C21orf91: variants seen among roughly 807,000 people sequenced by gnomAD.
C21orf91 encodes chromosome 21 open reading frame 91, also known as protein EURL homolog.
A neutral mutation model predicts 32.9 loss-of-function variants in C21orf91; 26 were observed. The ratio of observed to expected loss-of-function variants is 0.79; its 90% CI spans 0.58 to 1.10. The LOEUF (loss-of-function observed/expected upper bound fraction) is 1.10. Among genes scored for constraint, C21orf91 ranks in the 50% least tolerant of loss-of-function variants. The probability of loss-of-function intolerance (pLI) is 0.00; values close to 1 mark genes in which losing one functional copy is unlikely to be tolerated. For missense variants in C21orf91, 310 were observed against 341.3 expected (o/e 0.91, Z 0.72); for synonymous variants, 126 against 120.4 (o/e 1.05, Z -0.31).
chr21:17,809,341 A>AAC (rs1491269986), intron 2 of C21orf91, among the ~76,000 whole-genome samples: 1 of 152,258 alleles, frequency 6.6e-6, no homozygotes, highest in Non-Finnish European at 1.5e-5. Flanking sequence ...TAAAATACTT[A>AAC]AAGATACTGA....
rs535410050 is a variant in C21orf91 at position 17,791,094 on chromosome 21, T to C, written c.*2321A>G. ...TGTTAGAACTCAACTCTGTACCTGA[T>C]ACTTATATTTGCATACACAGTAATT... On this transcript the variant is annotated 3_prime_UTR_variant, in exon 5 of 5. Coordinates refer to ENST00000284881, the MANE Select transcript of C21orf91 (RefSeq NM_001100420.2). The C allele has an allele frequency of 1.6e-4, 25 of 152,278 alleles. No homozygotes were observed. Among genetic ancestry groups the C allele is most frequent in the African/African-American group, 6.0e-4 (25 of 41,590 alleles). The allele number at this position is 152,278 out of a possible 1,614,324, so 9.4% of individuals were successfully genotyped here.
In C21orf91 at chr21:17,797,269, T is replaced by G. The variant is rs907006876; in HGVS notation, c.128-151A>C. The G allele has an allele frequency of 5.8e-6, 3 of 519,770 alleles. No individual in the cohort carries two copies. The African/African-American group carries it at 5.8e-5, about 10-fold the overall frequency. 32.2% of individuals were successfully genotyped at this position (519,770 alleles called of 1,614,324 possible). On this transcript the variant is annotated intron_variant, in intron 2 of 4. Transcript: ENST00000284881. ...AGAATATTAGTATTAATATACAATG[T>G]GGCCTAATAATTTCTGCTTCAATAT...
intron 3 of C21orf91, 36 bp downstream of exon 3, chr21:17,796,546 C>T (rs745785658): frequency 5.2e-6 from 8 of 1,546,870 alleles, no homozygotes; most frequent in Middle Eastern, 1.7e-4. Context: ...AAATCCCAAA[C>T]CACCCAACTT....
At position 17,790,292 on chromosome 21, in the gene C21orf91, G is replaced by C. The variant is rs2146239649; in HGVS notation, c.*3123C>G. ...ACTGGGAAACATTAAAACACAAATA[G>C]ATCTAAAAGCTTACTTTAAAAAAAC... On this transcript the variant is annotated 3_prime_UTR_variant, in exon 5 of 5. Transcript: ENST00000284881. The C allele has an allele frequency of 6.6e-6, 1 of 151,866 alleles. No individual in the cohort carries two copies. The highest frequency in any genetic ancestry group is 6.6e-5 in the Admixed American group (1 of 15,254). 9.4% of individuals were successfully genotyped at this position (151,866 alleles called of 1,614,324 possible). A position where few individuals can be genotyped will look rare whatever the true frequency, so the allele number is the denominator to read the frequency against.
intron 2 of C21orf91, among the ~76,000 whole-genome samples, chr21:17,807,662 T>G (rs576078370): frequency 1.1e-4 from 17 of 152,270 alleles, no homozygotes; most frequent in African/African-American, 4.1e-4. Flanking sequence ...AGTCCAGTAG[T>G]AGGTAGTCTC....
rs1170919336 is a variant in C21orf91, at chr21:17,818,231, G to C, written c.88C>G (p.Leu30Val). The change falls in exon 2 of 5, where the codon CTC (leucine) becomes GTC (valine). Residue 30 changes from leucine (L) to valine (V), a missense_variant. By Grantham distance (32) the Leu-to-Val change is conservative (BLOSUM62 1). Coordinates refer to ENST00000284881, the MANE Select transcript of C21orf91 (RefSeq NM_001100420.2). Reference sequence around the variant, plus strand: ...TCAAAACAAATGTGGCAGAAGGAGAGTGTTTCTTTGTCTGTTCCCAGTTTA... The same window carrying C: ...TCAAAACAAATGTGGCAGAAGGAGACTGTTTCTTTGTCTGTTCCCAGTTTA... ...VCKLGTDKETLSFCHICFELN... is the reference protein window; with the variant it reads ...VCKLGTDKETVSFCHICFELN... The C allele has an allele frequency of 6.2e-7, 1 of 1,609,448 alleles. No individual in the cohort carries two copies. Among genetic ancestry groups the C allele is most frequent in the South Asian group, 1.1e-5 (1 of 90,978 alleles).
At chr21:17,794,664 T>C (rs1163731022) in intron 4 of C21orf91, among the ~76,000 whole-genome samples, 1 of 152,218 alleles carries the variant, frequency 6.6e-6, no homozygotes, top group Non-Finnish European at 1.5e-5. Context: ...AAGACTAATA[T>C]CACATGCCTT....
intron 3 of C21orf91, 69 bp downstream of exon 3, chr21:17,796,513 T>TA: frequency 8.6e-7 from 1 of 1,169,376 alleles, no homozygotes; most frequent in Non-Finnish European, 1.2e-6. Flanking sequence ...CTTGACCCAT[T>TA]ACACATCTAT....
At position 17,796,628 on chromosome 21, in the gene C21orf91, T is replaced by C; in HGVS notation, c.618A>G (p.Pro206=). 6.2e-7 allele frequency: 1 copy of C among 1,614,088 alleles called. No individual in the cohort carries two copies. The highest frequency in any genetic ancestry group is 8.5e-7 in the Non-Finnish European group (1 of 1,179,942). Reference sequence around the variant, plus strand: ...GATGCTGGGTCTGGACATTAGCCTCTGGACTAGAGATTGTCTCTTCTTTTT... The same window carrying C: ...GATGCTGGGTCTGGACATTAGCCTCCGGACTAGAGATTGTCTCTTCTTTTT... ...AQKKEETISS[P]EANVQTQHPH... The change falls in exon 3 of 5, where the codon CCA becomes CCG. Residue 206 remains proline, a synonymous_variant. Transcript: ENST00000284881.
rs243607 is a variant in C21orf91, at chr21:17,789,198, A to G, written c.*4217T>C. The G allele has an allele frequency of 0.48, 72,642 of 151,598 alleles. 17,476 individuals carry two copies. The highest frequency in any genetic ancestry group is 0.58 in the Middle Eastern group (171 of 294). 9.4% of individuals were successfully genotyped at this position (151,598 alleles called of 1,614,324 possible). A position where few individuals can be genotyped will look rare whatever the true frequency, so the allele number is the denominator to read the frequency against. On this transcript the variant is annotated 3_prime_UTR_variant, in exon 5 of 5. Transcript: ENST00000284881. ...CAATTTTGTAAAGTAAATTTCTAAC[A>G]CCAGAGAGATTAAGTTCAATGACCA... is the stretch of plus-strand genomic sequence containing the variant.
rs1333724557 is a variant in C21orf91 at position 17,793,313 on chromosome 21, T to G, written c.*102A>C. The stretch of plus-strand genomic sequence containing the variant: ...ACTGCCTTATGTTTGGCAAATTTAA[T>G]GACCATAAAAAAACGGACCACAACT... On this transcript the variant is annotated 3_prime_UTR_variant, in exon 5 of 5. Transcript: ENST00000284881. 1.2e-6 allele frequency: 1 copy of G among 813,544 alleles called. No individual in the cohort carries two copies. The highest frequency in any genetic ancestry group is 1.8e-6 in the Non-Finnish European group (1 of 543,874). The allele number at this position is 813,544 out of a possible 1,614,324, so 50.4% of individuals were successfully genotyped here.
intron 2 of C21orf91, among the ~76,000 whole-genome samples, chr21:17,801,425 C>T (rs1568751725): frequency 6.6e-6 from 1 of 152,062 alleles, no homozygotes; most frequent in Non-Finnish European, 1.5e-5. Flanking sequence ...TGCCCGCCAC[C>T]ACGCCTGGCT....
chr21:17,812,536 G>A (rs2062639034), intron 2 of C21orf91, among the ~76,000 whole-genome samples: 2 of 152,262 alleles, frequency 1.3e-5, no homozygotes, highest in South Asian at 4.1e-4. Flanking sequence ...TTGGCCGGGC[G>A]CGGTGGCTCA....
At position 17,792,058 on chromosome 21, in the gene C21orf91, T is replaced by C. The variant is rs897420086; in HGVS notation, c.*1357A>G. On this transcript the variant is annotated 3_prime_UTR_variant, in exon 5 of 5. Coordinates refer to ENST00000284881, the MANE Select transcript of C21orf91 (RefSeq NM_001100420.2). ...ATCTTTATGCATGAAGCTGCCACGT[T>C]ACTGGGCTTTTCAGCAGATACTTTC... 1 of 152,186 alleles carries C rather than the reference T, an allele frequency of 6.6e-6. No individual in the cohort carries two copies. Among genetic ancestry groups the C allele is most frequent in the Non-Finnish European group, 1.5e-5 (1 of 67,996 alleles). 9.4% of individuals were successfully genotyped at this position (152,186 alleles called of 1,614,324 possible). A position where few individuals can be genotyped will look rare whatever the true frequency, so the allele number is the denominator to read the frequency against.
At chr21:17,812,318 T>C (rs894815825) in intron 2 of C21orf91, among the ~76,000 whole-genome samples, 2 of 152,068 alleles carry the variant, frequency 1.3e-5, no homozygotes, top group Non-Finnish European at 2.9e-5. Context: ...GAAAAAAAAA[T>C]AACCTTGAGC....
At position 17,797,122 on chromosome 21, in the gene C21orf91, TG is replaced by T; in HGVS notation, c.128-5del. The T allele has an allele frequency of 1.3e-6, 2 of 1,548,220 alleles. No individual in the cohort carries two copies. The highest frequency in any genetic ancestry group is 1.7e-6 in the Non-Finnish European group (2 of 1,150,728). Reference sequence around the variant, plus strand: ...AAGAGATCAGACTTTGGTACCCCTATGGAAAAAAAAGAGAAACAAAAGACTT... The same window carrying T: ...AAGAGATCAGACTTTGGTACCCCTATGAAAAAAAAGAGAAACAAAAGACTT... On this transcript the variant is annotated splice_region_variant and splice_polypyrimidine_tract_variant and intron_variant, in intron 2 of 4. Transcript: ENST00000284881.
intron 2 of C21orf91, among the ~76,000 whole-genome samples, chr21:17,816,002 A>G (rs1180284695): frequency 3.9e-5 from 6 of 152,218 alleles, no homozygotes; most frequent in Admixed American, 1.3e-4. Flanking sequence ...CTAGCTGATC[A>G]CTGTAGTGAA....
intron 2 of C21orf91, among the ~76,000 whole-genome samples, chr21:17,808,784 G>C (rs556949665): frequency 6.6e-6 from 1 of 152,192 alleles, no homozygotes; most frequent in Non-Finnish European, 1.5e-5. Flanking sequence ...AATGTGAGGA[G>C]GACATGAGAT....
chr21:17,794,273 T>C (rs928335468), intron 4 of C21orf91, among the ~76,000 whole-genome samples: 11 of 152,220 alleles, frequency 7.2e-5, no homozygotes, highest in Admixed American at 6.5e-4. Flanking sequence ...GAAGTACAAT[T>C]TTCTCATCTA....
Sources: allele counts gnomAD v4.1 joint callset (sites outside exome capture counted in the v4.1 genomes callset), GRCh38; gene constraint gnomAD v4.1.1; transcripts MANE v1.5; gene names NCBI Gene and HGNC (gene_info 2026-07-23, HGNC 2026-07-21).